SIRPD: variants seen among roughly 807,000 people sequenced by gnomAD.
SIRPD encodes the protein signal regulatory protein delta.
In SIRPD, 21 loss-of-function variants were observed where a neutral mutation model predicts 18.0. That is an observed-to-expected ratio of 1.17 (90% CI 0.83 to 1.68). SIRPD has a LOEUF of 1.68. SIRPD is among the 40% of genes most tolerant of loss of function. SIRPD has a pLI of 0.00. For missense variants in SIRPD, 295 were observed against 238.4 expected (o/e 1.24, Z -1.56); for synonymous variants, 106 against 92.9 (o/e 1.14, Z -0.81).
In SIRPD at chr20:1,549,733, T is replaced by G. The variant is rs543226256; in HGVS notation, c.421+1958A>C. Among the ~76,000 whole-genome samples, 18 of 152,236 alleles carry G rather than the reference T, an allele frequency of 1.2e-4. No homozygotes were observed. The South Asian group carries it at 1.2e-3, about 11-fold the overall frequency. ...CTATTTCCAGAGCCTCTAAATATTT[T>G]TTAAAAATAATTTTCACCAGTTTCC... On this transcript the variant is annotated intron_variant, in intron 2 of 3. Coordinates refer to ENST00000381623, the MANE Select transcript of SIRPD (RefSeq NM_178460.3).
At chr20:1,544,825 T>C (rs1230593592) in intron 2 of SIRPD, among the ~76,000 whole-genome samples, 1 of 152,194 alleles carries the variant, frequency 6.6e-6, no homozygotes, top group East Asian at 1.9e-4. Context: ...GGTGACAAAA[T>C]ATCTGCATTT....
chr20:1,543,364 G>A (rs924725161), intron 2 of SIRPD, among the ~76,000 whole-genome samples: 3 of 152,148 alleles, frequency 2.0e-5, no homozygotes, highest in African/African-American at 7.2e-5. Context: ...ACTTGGGAGG[G>A]TGTATGTGTC....
intron 2 of SIRPD, among the ~76,000 whole-genome samples, chr20:1,542,791 T>C (rs1421553850): frequency 6.6e-6 from 1 of 152,204 alleles, no homozygotes; most frequent in Non-Finnish European, 1.5e-5. Context: ...GCTCTTACTA[T>C]TTTGAGCTAC....
chr20:1,535,898 A>G (rs2090943186), intron 3 of SIRPD, among the ~76,000 whole-genome samples: 1 of 152,342 alleles, frequency 6.6e-6, no homozygotes, highest in Non-Finnish European at 1.5e-5. Context: ...TGCTCATAGA[A>G]GGACTTCTGT....
chr20:1,557,459 T>G (rs1414731785), intron 1 of SIRPD, 122 bp downstream of exon 1: 1 of 821,542 alleles, frequency 1.2e-6, no homozygotes. Context: ...GAGTTCTGCC[T>G]GTTCTGGGAT....
intron 2 of SIRPD, among the ~76,000 whole-genome samples, chr20:1,551,426 G>T (rs557294173): frequency 6.6e-6 from 1 of 152,182 alleles, no homozygotes; most frequent in Non-Finnish European, 1.5e-5. Flanking sequence ...AATTATCCTA[G>T]TTGGCTTAGG....
chr20:1,551,607 T>G (rs1223260594), intron 2 of SIRPD, 84 bp downstream of exon 2: 1 of 1,039,736 alleles, frequency 9.6e-7, no homozygotes, highest in Non-Finnish European at 1.4e-6. Flanking sequence ...ATTTGGCACA[T>G]AGCAATTATT....
intron 2 of SIRPD, among the ~76,000 whole-genome samples, chr20:1,537,575 A>G (rs536214387): frequency 2.2e-4 from 33 of 152,310 alleles, no homozygotes; most frequent in African/African-American, 7.2e-4. Flanking sequence ...GCCCAGGAAC[A>G]GGGTCTGCCA....
At chr20:1,552,449 C>T (rs566814413) in intron 1 of SIRPD, among the ~76,000 whole-genome samples, 5 of 152,290 alleles carry the variant, frequency 3.3e-5, no homozygotes, top group Admixed American at 2.6e-4. Flanking sequence ...TGGCCTTCCT[C>T]TCTCCTCTGA....
chr20:1,540,662 T>C (rs777702012), intron 2 of SIRPD, among the ~76,000 whole-genome samples: 5 of 152,212 alleles, frequency 3.3e-5, no homozygotes, highest in Non-Finnish European at 7.3e-5. Context: ...AATTATACTT[T>C]AAGTTCTGGG....
intron 2 of SIRPD, among the ~76,000 whole-genome samples, chr20:1,546,556 A>G (rs1279563595): frequency 6.6e-6 from 1 of 152,176 alleles, no homozygotes. Context: ...ACATTTGTGC[A>G]CAAATTTTTG....
Position 1,551,940 on chromosome 20 carries a change from G to A in SIRPD, c.172C>T (p.Pro58Ser), listed in dbSNP as rs141480469. 1,475 of 1,614,076 alleles carry A rather than the reference G, an allele frequency of 9.1e-4. 8 individuals carry two copies. The African/African-American group carries it at 0.017, about 19-fold the overall frequency. The change falls in exon 2 of 4, where the codon CCA becomes TCA. Residue 58 changes from proline (P) to serine (S), a missense_variant. By Grantham distance (74) the Pro-to-Ser change is moderately conservative (BLOSUM62 -1). Coordinates refer to ENST00000381623, the MANE Select transcript of SIRPD (RefSeq NM_178460.3). ...ILSCSVPNTLPNGPVLWFKGT... is the reference protein window; with the variant it reads ...ILSCSVPNTLSNGPVLWFKGT... ...TTGAACCACAAGACAGGTCCATTTG[G>A]TAAGGTATTGGGTACGCTGCAACTC...
chr20:1,537,608 C>T (rs1184435169), intron 2 of SIRPD, among the ~76,000 whole-genome samples: 4 of 152,286 alleles, frequency 2.6e-5, no homozygotes, highest in Non-Finnish European at 5.9e-5. Flanking sequence ...TGTCCAGCCT[C>T]CTGTGATAGT....
Position 1,556,165 on chromosome 20 carries a change from C to G in SIRPD, c.73+1416G>C, listed in dbSNP as rs534875329. Among the ~76,000 whole-genome samples the G allele has an allele frequency of 1.3e-4, 20 of 152,264 alleles. 2 individuals are homozygous for G. The South Asian group carries it at 3.9e-3, about 30-fold the overall frequency. ...AGGGGGAGACAGTGCATCACTTTGG[C>G]CATATTCTATCAGATAGAAGCATGT... is the stretch of plus-strand genomic sequence containing the variant. On this transcript the variant is annotated intron_variant, in intron 1 of 3. Coordinates refer to ENST00000381623, the MANE Select transcript of SIRPD (RefSeq NM_178460.3).
chr20:1,554,388 G>GATAGCTTT (rs2091030966), intron 1 of SIRPD: 1 of 152,496 alleles, frequency 6.6e-6, no homozygotes, highest in Non-Finnish European at 1.5e-5. Flanking sequence ...ATCTCAGTAT[G>GATAGCTTT]ATAGCTTTAT....
At chr20:1,552,847 T>C (rs533959091) in intron 1 of SIRPD, among the ~76,000 whole-genome samples, 8 of 152,134 alleles carry the variant, frequency 5.3e-5, no homozygotes, top group Non-Finnish European at 8.8e-5. Flanking sequence ...GCAGCCTGCA[T>C]TGACATTATG....
chr20:1,540,751 T>C (rs1163694980), intron 2 of SIRPD, among the ~76,000 whole-genome samples: 1 of 152,188 alleles, frequency 6.6e-6, no homozygotes, highest in Non-Finnish European at 1.5e-5. Context: ...CAACCCAACA[T>C]CTACATTAGG....
intron 2 of SIRPD, among the ~76,000 whole-genome samples, chr20:1,544,624 G>T (rs908381506): frequency 6.6e-6 from 1 of 152,062 alleles, no homozygotes; most frequent in African/African-American, 2.4e-5. Context: ...TACATTTAAG[G>T]TTAATATTGT....
chr20:1,548,467 G>C (rs906501280), intron 2 of SIRPD, among the ~76,000 whole-genome samples: 2 of 151,980 alleles, frequency 1.3e-5, no homozygotes, highest in African/African-American at 4.8e-5. Context: ...ATCCCACTTG[G>C]TCAACATGAA....
Sources: allele counts gnomAD v4.1 joint callset (sites outside exome capture counted in the v4.1 genomes callset), GRCh38; gene constraint gnomAD v4.1.1; transcripts MANE v1.5; gene names NCBI Gene and HGNC (gene_info 2026-07-23, HGNC 2026-07-21).